RAB11A: variants seen among roughly 807,000 people sequenced by gnomAD.
RAB11A encodes ras-related protein Rab-11A.
Under a neutral mutation model 28.0 loss-of-function variants are expected in RAB11A, and 9 were observed. The ratio of observed to expected loss-of-function variants is 0.32; its 90% CI spans 0.19 to 0.56. The LOEUF (loss-of-function observed/expected upper bound fraction) is 0.56. Among genes scored for constraint, RAB11A ranks in the 20% least tolerant of loss-of-function variants. The pLI, the probability that RAB11A is intolerant of heterozygous loss-of-function variation, is 0.91. For synonymous variants in RAB11A, 85 were observed against 88.2 expected (o/e 0.96, Z 0.20); for missense variants, 108 against 269.6 (o/e 0.40, Z 4.20).
intron 4 of RAB11A, among the ~76,000 whole-genome samples, chr15:65,886,794 CACTT>C (rs1159483864): frequency 6.6e-6 from 1 of 152,210 alleles, no homozygotes; most frequent in East Asian, 1.9e-4. Flanking sequence ...CAGAGTTTAA[CACTT>C]AGTAAAAGAG....
intron 1 of RAB11A, among the ~76,000 whole-genome samples, chr15:65,875,740 C>T (rs991651872): frequency 1.3e-4 from 20 of 152,240 alleles, no homozygotes; most frequent in African/African-American, 4.8e-4. Flanking sequence ...TATATCCACT[C>T]CTGTGGCAAG....
At chr15:65,882,803 CT>C (rs1214862757) in intron 4 of RAB11A, among the ~76,000 whole-genome samples, 2 of 152,120 alleles carry the variant, frequency 1.3e-5, no homozygotes, top group Admixed American at 6.5e-5. Flanking sequence ...ACAGCTTTGT[CT>C]TTTCTCAGGT....
At chr15:65,870,287 C>A (rs540071854) in intron 1 of RAB11A, among the ~76,000 whole-genome samples, 3 of 152,230 alleles carry the variant, frequency 2.0e-5, no homozygotes, top group Non-Finnish European at 4.4e-5. Context: ...CTCCCTCTCC[C>A]ACTCCCCATT....
Position 65,877,738 on chromosome 15 carries a change from T to C in RAB11A, c.237-24T>C, listed in dbSNP as rs767937223. 4.6e-6 allele frequency: 7 copies of C among 1,536,576 alleles called. No homozygotes were observed. The highest frequency in any genetic ancestry group is 1.9e-5 in the Admixed American group (1 of 52,654). ...TTGCTTCCATCTTGTGGTTTTCTGA[T>C]ACTAAATATGTTTCTGTTTTCAGAT... is the stretch of plus-strand genomic sequence containing the variant. On this transcript the variant is annotated intron_variant, in intron 2 of 4. Transcript: ENST00000261890. This position sits in a 1 kb window ranked among gnomAD's most constrained non-coding sequence, Gnocchi z 4.1.
chr15:65,883,326 C>A (rs1484520807), intron 4 of RAB11A, among the ~76,000 whole-genome samples: 2 of 152,176 alleles, frequency 1.3e-5, no homozygotes, highest in Non-Finnish European at 2.9e-5. Flanking sequence ...TTGACCTTGA[C>A]ATTTTTGAAG....
At chr15:65,887,599 T>C (rs2078262996) in intron 4 of RAB11A, 102 bp from the exon 5 acceptor site, 2 of 1,166,856 alleles carry the variant, frequency 1.7e-6, no homozygotes, top group Non-Finnish European at 2.3e-6. Context: ...TCAGTTTCCT[T>C]AGGGACTTTG....
At chr15:65,871,634 C>T (rs2078161198) in intron 1 of RAB11A, among the ~76,000 whole-genome samples, 1 of 152,158 alleles carries the variant, frequency 6.6e-6, no homozygotes, top group South Asian at 2.1e-4. Context: ...CTGAATTGGC[C>T]TAAAGTATTT....
chr15:65,875,306 A>G (rs56712163), intron 1 of RAB11A, among the ~76,000 whole-genome samples: 18,532 of 150,394 alleles, frequency 0.12, 2,000 homozygotes, highest in East Asian at 0.63. Context: ...TTTTTTTTGT[A>G]TAAGTGATTC....
chr15:65,889,444 T>C lies in RAB11A; in HGVS notation c.*1604T>C, dbSNP rs1303313946. 1 of 152,214 alleles carries C rather than the reference T, an allele frequency of 6.6e-6. No individual in the cohort carries two copies. The highest frequency in any genetic ancestry group is 1.5e-5 in the Non-Finnish European group (1 of 68,044). The allele number at this position is 152,214 out of a possible 1,614,324, so 9.4% of individuals were successfully genotyped here. On this transcript the variant is annotated 3_prime_UTR_variant, in exon 5 of 5. Transcript: ENST00000261890. The stretch of plus-strand genomic sequence containing the variant: ...ATATTCACATTCTAATAAACAGTTA[T>C]AGGGGGATTATTTCTTATGCTGTCA...
chr15:65,879,533 A>G, intron 3 of RAB11A, 138 bp from the exon 4 acceptor site: 1 of 575,932 alleles, frequency 1.7e-6, no homozygotes. Flanking sequence ...TGTAAACAGA[A>G]TGGTGCCCTT....
chr15:65,882,874 A>T (rs998359040), intron 4 of RAB11A, among the ~76,000 whole-genome samples: 8 of 152,210 alleles, frequency 5.3e-5, no homozygotes, highest in Non-Finnish European at 8.8e-5. Flanking sequence ...TTGCATTTTG[A>T]CAATTTCAAA....
intron 4 of RAB11A, among the ~76,000 whole-genome samples, chr15:65,881,845 C>A (rs2078224358): frequency 1.4e-5 from 2 of 143,118 alleles, no homozygotes; most frequent in Non-Finnish European, 3.0e-5. Context: ...AAGTTCAAGA[C>A]CAGCCTGGGC....
At chr15:65,872,383 A>C (rs1304602021) in intron 1 of RAB11A, among the ~76,000 whole-genome samples, 4 of 148,612 alleles carry the variant, frequency 2.7e-5, no homozygotes, top group Non-Finnish European at 5.9e-5. Flanking sequence ...TTTGTTGTGC[A>C]TTTTGCTGTT....
rs1368941572 is a variant in RAB11A, at chr15:65,890,453, T to C, written c.*2613T>C. On this transcript the variant is annotated 3_prime_UTR_variant, in exon 5 of 5. Coordinates refer to ENST00000261890, the MANE Select transcript of RAB11A (RefSeq NM_004663.5). ...CATTGTTCTCAAATGCCATGATTTCTCTTTAATAGTAGTTGTCATTATGTA... is the reference window on the plus strand; with the variant it reads ...CATTGTTCTCAAATGCCATGATTTCCCTTTAATAGTAGTTGTCATTATGTA... 2.0e-5 allele frequency: 3 copies of C among 152,212 alleles called. No individual in the cohort carries two copies. The highest frequency in any genetic ancestry group is 4.4e-5 in the Non-Finnish European group (3 of 68,042). 9.4% of individuals were successfully genotyped at this position (152,212 alleles called of 1,614,324 possible). A position where few individuals can be genotyped will look rare whatever the true frequency, so the allele number is the denominator to read the frequency against.
chr15:65,872,023 C>G (rs1481775773), intron 1 of RAB11A, among the ~76,000 whole-genome samples: 1 of 149,426 alleles, frequency 6.7e-6, no homozygotes, highest in Non-Finnish European at 1.5e-5. Flanking sequence ...TCTCGGCCTC[C>G]TCAGGCTCAG....
chr15:65,881,788 AC>A (rs888393345), intron 4 of RAB11A, among the ~76,000 whole-genome samples: 1 of 149,788 alleles, frequency 6.7e-6, no homozygotes, highest in African/African-American at 2.5e-5. Context: ...ACATCCTAAC[AC>A]CTGTAGAACA....
At chr15:65,884,307 G>A (rs1343436476) in intron 4 of RAB11A, among the ~76,000 whole-genome samples, 1 of 152,198 alleles carries the variant, frequency 6.6e-6, no homozygotes, top group Non-Finnish European at 1.5e-5. Context: ...GCATCTTTAA[G>A]CTTTCCCTCT....
At chr15:65,872,014 C>T (rs2141099972) in intron 1 of RAB11A, among the ~76,000 whole-genome samples, 1 of 138,740 alleles carries the variant, frequency 7.2e-6, no homozygotes, top group Admixed American at 8.1e-5. Flanking sequence ...TCACTGCAGT[C>T]TCGGCCTCCT....
At position 65,869,618 on chromosome 15, in the gene RAB11A, C is replaced by T. The variant is rs750861690; in HGVS notation, c.33C>T (p.Leu11=). Reference sequence around the variant, plus strand: ...CCCGCGACGACGAGTACGACTACCTCTTTAAAGGTGAGGCCATGGGCTCTC... The same window carrying T: ...CCCGCGACGACGAGTACGACTACCTTTTTAAAGGTGAGGCCATGGGCTCTC... MGTRDDEYDY[L]FKVVLIGDSG... Residue 11 remains leucine, a synonymous_variant, in exon 1 of 5, where the codon CTC becomes CTT. Transcript: ENST00000261890. 13 of 1,611,708 alleles carry T rather than the reference C, an allele frequency of 8.1e-6. No individual in the cohort carries two copies. The Admixed American group carries it at 1.7e-4, about 21-fold the overall frequency.
Sources: allele counts gnomAD v4.1 joint callset (sites outside exome capture counted in the v4.1 genomes callset), GRCh38; gene constraint gnomAD v4.1.1; non-coding constraint Gnocchi (gnomAD v3.1); transcripts MANE v1.5; gene names NCBI Gene and HGNC (gene_info 2026-07-23, HGNC 2026-07-21).